The following AVIL variants were observed in gnomAD, a reference collection of about 807,000 sequenced individuals.
AVIL encodes advillin.
AVIL carries 78 observed loss-of-function variants against 109.9 expected under a neutral mutation model. The observed-to-expected ratio is 0.71, with a 90% CI of 0.59 to 0.86. The LOEUF is 0.86. Among genes scored for constraint, AVIL ranks in the 40% least tolerant of loss-of-function variants. The probability of loss-of-function intolerance (pLI) is 0.00; values close to 1 mark genes in which losing one functional copy is unlikely to be tolerated. For synonymous variants in AVIL, 367 were observed against 379.1 expected, an observed-to-expected ratio of 0.97 and a Z score of 0.37; for missense variants, 892 against 1,016.5, an observed-to-expected ratio of 0.88 and a Z score of 1.67.
At chr12:57,813,112 G>A in intron 4 of AVIL, 115 bp downstream of exon 4, 1 of 1,309,824 alleles carries the variant, frequency 7.6e-7, no homozygotes, top group Admixed American at 2.2e-5. Context: ...GGAAGTGACA[G>A]CTTTGTTTTG....
intron 16 of AVIL, 163 bp from the exon 17 acceptor site, chr12:57,802,511 T>G (rs767822756): frequency 3.5e-6 from 3 of 849,128 alleles, no homozygotes; most frequent in East Asian, 5.3e-5. Flanking sequence ...TTTCCCAGAA[T>G]CAGCTTGATG....
At chr12:57,810,321 C>T in intron 7 of AVIL, 28 bp downstream of exon 7, 1 of 1,611,914 alleles carries the variant, frequency 6.2e-7, no homozygotes, top group Non-Finnish European at 8.5e-7. Context: ...ACCCCAGCTT[C>T]CAGCTAAAAC....
At chr12:57,810,264 G>A in intron 7 of AVIL, 85 bp downstream of exon 7, 1 of 1,437,134 alleles carries the variant, frequency 7.0e-7, no homozygotes, top group Non-Finnish European at 9.6e-7. Context: ...CCCAAAACAA[G>A]GAGCCAAGCA....
rs60780489 is a variant in AVIL at position 57,803,448 on chromosome 12, G to T, written c.1818-57C>A. Reference sequence around the variant, plus strand: ...TGCTTAGAAATGTTTTTAAAACTGAGGTTTTAGCCTTTGTGCAATTCACAA... The same window carrying T: ...TGCTTAGAAATGTTTTTAAAACTGATGTTTTAGCCTTTGTGCAATTCACAA... On this transcript the variant is annotated intron_variant, in intron 15 of 19. Transcript: ENST00000549994. 10,853 of 1,613,374 alleles carry T rather than the reference G, an allele frequency of 6.7e-3. 357 individuals carry two copies. The East Asian group carries it at 0.091, about 14-fold the overall frequency.
Position 57,811,005 on chromosome 12 carries a change from T to G in AVIL, c.447+14A>C. 1 of 1,613,824 alleles carries G rather than the reference T, an allele frequency of 6.2e-7. No homozygotes were observed. The highest frequency in any genetic ancestry group is 8.5e-7 in the Non-Finnish European group (1 of 1,179,864). On this transcript the variant is annotated intron_variant, in intron 5 of 19. Transcript: ENST00000549994. ...GAAGCCCCGGGCCTGGGGCAGAGAGTGTGCAGGACTAACCTCGGTAGCCCT... is the reference window on the plus strand; with the variant it reads ...GAAGCCCCGGGCCTGGGGCAGAGAGGGTGCAGGACTAACCTCGGTAGCCCT...
chr12:57,813,544 C>T, intron 3 of AVIL, 121 bp from the exon 4 acceptor site: 1 of 993,008 alleles, frequency 1.0e-6, no homozygotes, highest in East Asian at 2.5e-5. Flanking sequence ...GCCCTCTCTC[C>T]TGCAGTGGAT....
At chr12:57,809,931 A>G in intron 7 of AVIL, 41 bp from the exon 8 acceptor site, 1 of 1,598,146 alleles carries the variant, frequency 6.3e-7, no homozygotes, top group Non-Finnish European at 8.6e-7. Flanking sequence ...TTTCCTCTAT[A>G]AAGCATCTTG....
chr12:57,799,042 A>G (rs1955793447), intron 19 of AVIL, among the ~76,000 whole-genome samples: 1 of 152,230 alleles, frequency 6.6e-6, no homozygotes, highest in Non-Finnish European at 1.5e-5. Context: ...AGACAAACAA[A>G]GGTCCTTCCT....
intron 16 of AVIL, 37 bp from the exon 17 acceptor site, chr12:57,802,385 C>A: frequency 6.4e-7 from 1 of 1,569,396 alleles, no homozygotes; most frequent in East Asian, 2.3e-5. Context: ...TTACTGTGTT[C>A]ATACCAAGGA....
intron 18 of AVIL, 50 bp downstream of exon 18, chr12:57,801,094 G>A: frequency 1.3e-6 from 2 of 1,491,016 alleles, no homozygotes; most frequent in Non-Finnish European, 1.9e-6. Context: ...GTGTTCTCTG[G>A]CTCTGGTTGC....
intron 11 of AVIL, 39 bp from the exon 12 acceptor site, chr12:57,807,766 G>A (rs200247929): frequency 6.2e-7 from 1 of 1,613,576 alleles, no homozygotes; most frequent in East Asian, 2.2e-5. Context: ...AGAGATGGGG[G>A]TGCTGAGAGG....
Position 57,802,154 on chromosome 12 carries a change from T to C in AVIL, c.2151+6A>G, listed in dbSNP as rs760455022. The stretch of plus-strand genomic sequence containing the variant: ...AAGTTAGAGCTTCCCTACTCTCTTT[T>C]CTTACACTCCAAATGTTAGGGTCCC... On this transcript the variant is annotated splice_donor_region_variant and intron_variant, in intron 17 of 19. Coordinates refer to ENST00000549994, the MANE Select transcript of AVIL (RefSeq NM_006576.4). The C allele has an allele frequency of 6.2e-7, 1 of 1,613,770 alleles. No individual in the cohort carries two copies. Among genetic ancestry groups the C allele is most frequent in the South Asian group, 1.1e-5 (1 of 91,062 alleles).
In AVIL at chr12:57,810,519, C is replaced by T; in HGVS notation, c.591G>A (p.Arg197=). ...CTATTTTAGCACGGCCCCCTCGCTC[C>T]CTGTCTCGAATATCCTTTGCCAGAA... ...AMLLAKDIRD[R]ERGGRAKIGV... is the part of the protein sequence containing the mutation. Residue 197 remains arginine, a synonymous_variant, in exon 7 of 20, where the codon AGG becomes AGA. Coordinates refer to ENST00000549994, the MANE Select transcript of AVIL (RefSeq NM_006576.4). The T allele has an allele frequency of 1.2e-6, 2 of 1,614,010 alleles. No individual in the cohort carries two copies.
At chr12:57,799,774 A>G in intron 19 of AVIL, 21 bp downstream of exon 19, 3 of 1,613,438 alleles carry the variant, frequency 1.9e-6, no homozygotes, top group Non-Finnish European at 2.5e-6. Context: ...TCCAACAGAC[A>G]CAGTTCCTTC....
intron 16 of AVIL, 173 bp from the exon 17 acceptor site, chr12:57,802,521 G>A (rs1157836026): frequency 2.4e-6 from 2 of 821,492 alleles, no homozygotes; most frequent in Non-Finnish European, 4.0e-6. Context: ...TCAGCTTGAT[G>A]TTTATCATTT....
chr12:57,806,133 C>CT (rs372846869), intron 14 of AVIL: 49,085 of 141,998 alleles, frequency 0.35, 9,882 homozygotes, highest in African/African-American at 0.64. Flanking sequence ...CCGTGCCCAG[C>CT]TTTTTTTTTT....
chr12:57,813,788 A>G (rs1956067967), intron 3 of AVIL, among the ~76,000 whole-genome samples: 1 of 152,142 alleles, frequency 6.6e-6, no homozygotes, highest in Non-Finnish European at 1.5e-5. Context: ...CCCTGTCAGC[A>G]CCGTTCATGT....
intron 2 of AVIL, chr12:57,814,928 C>T (rs1273879001): frequency 1.3e-5 from 2 of 152,206 alleles, no homozygotes; most frequent in Non-Finnish European, 2.9e-5. Context: ...ATCTGGTAAC[C>T]GTGTTTTAGT....
rs1053986032 is a variant in AVIL at position 57,802,176 on chromosome 12, T to G, written c.2135A>C (p.Asp712Ala). The G allele has an allele frequency of 6.2e-7, 1 of 1,613,822 alleles. No homozygotes were observed. The change falls in exon 17 of 20, where the codon GAC (aspartate) becomes GCC (alanine). Residue 712 changes from aspartate to alanine, a missense_variant. Coordinates refer to ENST00000549994, the MANE Select transcript of AVIL (RefSeq NM_006576.4). ...PIFTGWFLAWDPNIWSAGKTY... is the reference protein window; with the variant it reads ...PIFTGWFLAWAPNIWSAGKTY... ...TTTTCTTACACTCCAAATGTTAGGGTCCCAGGCTAGGAACCAGCCTGTGAA... is the reference window on the plus strand; with the variant it reads ...TTTTCTTACACTCCAAATGTTAGGGGCCCAGGCTAGGAACCAGCCTGTGAA...
Sources: allele counts gnomAD v4.1 joint callset (sites outside exome capture counted in the v4.1 genomes callset), GRCh38; gene constraint gnomAD v4.1.1; transcripts MANE v1.5; gene names NCBI Gene and HGNC (gene_info 2026-07-23, HGNC 2026-07-21).